The following ZNF438 variants were observed in gnomAD, a reference collection of about 807,000 sequenced individuals.
The protein encoded by ZNF438 is zinc finger protein 438.
A neutral mutation model predicts 38.0 loss-of-function variants in ZNF438; 25 were observed. The observed-to-expected ratio is 0.66, with a 90% CI of 0.48 to 0.92. The LOEUF (loss-of-function observed/expected upper bound fraction) is 0.92. ZNF438 is among the 40% of genes least tolerant of loss of function. The pLI, the probability that ZNF438 is intolerant of heterozygous loss-of-function variation, is 0.00. For synonymous variants in ZNF438, 372 were observed against 364.1 expected, an observed-to-expected ratio of 1.02 and a Z score of -0.25; for missense variants, 1,007 against 999.6, an observed-to-expected ratio of 1.01 and a Z score of -0.10.
At chr10:30,911,764 T>C (rs991949279) in intron 2 of ZNF438, among the ~76,000 whole-genome samples, 2 of 152,150 alleles carry the variant, frequency 1.3e-5, no homozygotes, top group Admixed American at 6.5e-5. Context: ...ATGCTCTCTC[T>C]AGATCATTTC....
chr10:30,942,046 T>C (rs143021725), intron 1 of ZNF438, among the ~76,000 whole-genome samples: 52 of 152,222 alleles, frequency 3.4e-4, no homozygotes, highest in African/African-American at 1.2e-3. Flanking sequence ...CAAACCACAA[T>C]AACAGGCAAA....
intron 1 of ZNF438, among the ~76,000 whole-genome samples, chr10:30,945,501 A>C (rs1205155043): frequency 6.6e-6 from 1 of 151,580 alleles, no homozygotes; most frequent in Non-Finnish European, 1.5e-5. Context: ...CGCTGCACCC[A>C]CTAACTCATC....
rs370032464 is a variant in ZNF438, at chr10:30,919,234, T to C, written c.-114-10219A>G. 3.3e-5 allele frequency: 5 copies of C among 152,344 alleles called. No homozygotes were observed. The East Asian group carries it at 9.6e-4, about 29-fold the overall frequency. The allele number at this position is 152,344 out of a possible 1,614,324, so 9.4% of individuals were successfully genotyped here. A position where few individuals can be genotyped will look rare whatever the true frequency, so the allele number is the denominator to read the frequency against. ...CTTCAGACATCTGTATGTACGAGGA[T>C]CTAAGAGTGAATTAATCGAATTTCC... On this transcript the variant is annotated intron_variant, in intron 2 of 5. Coordinates refer to ENST00000413025, the Ensembl canonical transcript of ZNF438.
intron 1 of ZNF438, among the ~76,000 whole-genome samples, chr10:30,969,032 G>C (rs940086502): frequency 2.0e-5 from 3 of 152,090 alleles, no homozygotes; most frequent in African/African-American, 7.2e-5. Flanking sequence ...GAAAAAAGTG[G>C]CATTTCCAAT....
At chr10:30,934,853 G>A (rs1256735935) in intron 2 of ZNF438, among the ~76,000 whole-genome samples, 1 of 152,166 alleles carries the variant, frequency 6.6e-6, no homozygotes, top group Non-Finnish European at 1.5e-5. Flanking sequence ...TATGTTGCCA[G>A]GACATTATCT....
intron 3 of ZNF438, among the ~76,000 whole-genome samples, chr10:30,901,605 G>A (rs2041991903): frequency 6.6e-6 from 1 of 152,140 alleles, no homozygotes; most frequent in South Asian, 2.1e-4. Context: ...GGGGTCTGAT[G>A]GTACTCACTG....
intron 2 of ZNF438, among the ~76,000 whole-genome samples, chr10:30,922,670 G>A (rs1589215156): frequency 1.3e-5 from 2 of 151,754 alleles, no homozygotes; most frequent in South Asian, 4.1e-4. Context: ...CCCTTCTCTA[G>A]TAAAAATACA....
At chr10:31,032,058 G>A (rs961509349), upstream of ZNF438, 1 of 152,270 alleles carries the variant, frequency 6.6e-6, no homozygotes, top group Admixed American at 6.5e-5. Flanking sequence ...CCGCATGCCT[G>A]TGGGCTTCGC....
At chr10:31,009,747 T>C (rs897252312) in intron 1 of ZNF438, among the ~76,000 whole-genome samples, 7 of 152,084 alleles carry the variant, frequency 4.6e-5, no homozygotes, top group African/African-American at 1.2e-4. Flanking sequence ...CTATTTTTTT[T>C]AAATGCAAAG....
At chr10:30,848,456 T>C in intron 5 of ZNF438, 75 bp downstream of exon 6, 3 of 1,508,148 alleles carry the variant, frequency 2.0e-6, no homozygotes, top group South Asian at 1.3e-5. Flanking sequence ...CTCTCCTTTC[T>C]GAATATGAAA....
At chr10:30,953,653 T>A (rs61843637) in intron 1 of ZNF438, among the ~76,000 whole-genome samples, 1 of 95,098 alleles carries the variant, frequency 1.1e-5, no homozygotes, top group Non-Finnish European at 2.0e-5. Context: ...AAAAAAAACA[T>A]ACACACACAC....
intron 1 of ZNF438, among the ~76,000 whole-genome samples, chr10:30,983,389 G>A (rs190390320): frequency 3.3e-5 from 5 of 152,322 alleles, no homozygotes; most frequent in Non-Finnish European, 4.4e-5. Context: ...GAAGGCAAAG[G>A]GGAAGCAGGT....
chr10:31,009,667 A>G (rs928204837), intron 1 of ZNF438, among the ~76,000 whole-genome samples: 1 of 152,156 alleles, frequency 6.6e-6, no homozygotes, highest in Admixed American at 6.5e-5. Context: ...AGTCCTGACA[A>G]AGAAATGTTT....
At chr10:30,982,940 G>GT (rs1197390243) in intron 1 of ZNF438, among the ~76,000 whole-genome samples, 2 of 152,168 alleles carry the variant, frequency 1.3e-5, no homozygotes, top group Admixed American at 1.3e-4. Flanking sequence ...ATTCGTACTT[G>GT]TTAACAATAC....
At chr10:30,953,866 G>A (rs113218607) in intron 1 of ZNF438, among the ~76,000 whole-genome samples, 46 of 152,242 alleles carry the variant, frequency 3.0e-4, no homozygotes, top group African/African-American at 7.2e-4. Flanking sequence ...AAAATAGGCC[G>A]GGCACAGTGG....
At chr10:31,015,365 C>T (rs536486469) in intron 1 of ZNF438, among the ~76,000 whole-genome samples, 8 of 152,206 alleles carry the variant, frequency 5.3e-5, no homozygotes, top group African/African-American at 1.4e-4. Flanking sequence ...GCATTATGGC[C>T]GGACGTGGTG....
chr10:30,987,890 G>A (rs544703944), intron 1 of ZNF438, among the ~76,000 whole-genome samples: 18 of 152,250 alleles, frequency 1.2e-4, no homozygotes, highest in African/African-American at 3.4e-4. Flanking sequence ...TTTTGAGAGA[G>A]CAGCCCAAAC....
chr10:31,031,007 G>A (rs73254463), intron 1 of ZNF438, among the ~76,000 whole-genome samples: 1 of 152,212 alleles, frequency 6.6e-6, no homozygotes, highest in Non-Finnish European at 1.5e-5. Flanking sequence ...ATTGCCAAGA[G>A]TACCGTGCTA....
chr10:30,957,089 T>C (rs879445055), intron 1 of ZNF438, among the ~76,000 whole-genome samples: 1 of 152,238 alleles, frequency 6.6e-6, no homozygotes, highest in African/African-American at 2.4e-5. Context: ...CCATTCTAAC[T>C]GGGGTAAGAT....
Sources: allele counts gnomAD v4.1 joint callset (sites outside exome capture counted in the v4.1 genomes callset), GRCh38; gene constraint gnomAD v4.1.1; transcripts MANE v1.5; gene names NCBI Gene and HGNC (gene_info 2026-07-23, HGNC 2026-07-21).